The following FAP variants were observed in gnomAD, a reference collection of about 807,000 sequenced individuals.
FAP encodes the protein prolyl endopeptidase FAP.
In FAP, 110 loss-of-function variants were observed where a neutral mutation model predicts 126.5. The observed-to-expected ratio is 0.87, with a 90% CI of 0.74 to 1.02. The LOEUF is 1.02. Ranked by LOEUF, FAP falls within the 50% of genes least tolerant of loss-of-function variation. The probability of loss-of-function intolerance (pLI) is 0.00; values close to 1 mark genes in which losing one functional copy is unlikely to be tolerated. For synonymous variants in FAP, 334 were observed against 297.3 expected, an observed-to-expected ratio of 1.12 and a Z score of -1.27; for missense variants, 919 against 909.2, an observed-to-expected ratio of 1.01 and a Z score of -0.14.
intron 21 of FAP, among the ~76,000 whole-genome samples, chr2:162,179,810 A>ATTTTTTTT (rs1186933075): frequency 6.5e-5 from 7 of 107,124 alleles, no homozygotes; most frequent in African/African-American, 2.1e-4. Context: ...ATATATATAT[A>ATTTTTTTT]TATTTTTTTT....
At chr2:162,183,300 A>G in intron 21 of FAP, 114 bp downstream of exon 21, 1 of 843,362 alleles carries the variant, frequency 1.2e-6, no homozygotes, top group Non-Finnish European at 2.0e-6. Flanking sequence ...TTCCATTGAC[A>G]GATTAAATTA....
At chr2:162,202,981 G>A (rs760163734) in intron 13 of FAP, 39 bp from the exon 14 acceptor site, 10 of 1,599,236 alleles carry the variant, frequency 6.3e-6, no homozygotes, top group South Asian at 2.2e-5. Context: ...GAAACTGAGC[G>A]TTATTTGAGC....
chr2:162,191,186 G>A (rs1688028122), intron 17 of FAP, among the ~76,000 whole-genome samples: 1 of 152,070 alleles, frequency 6.6e-6, no homozygotes, highest in Non-Finnish European at 1.5e-5. Flanking sequence ...CACAAGCACT[G>A]GAAGTGGGAG....
intron 20 of FAP, among the ~76,000 whole-genome samples, chr2:162,185,262 G>A (rs1446641619): frequency 6.6e-6 from 1 of 152,116 alleles, no homozygotes; most frequent in African/African-American, 2.4e-5. Flanking sequence ...GGTAAACTTG[G>A]AATCATAGCG....
intron 21 of FAP, among the ~76,000 whole-genome samples, chr2:162,178,858 C>T (rs1284724114): frequency 6.6e-6 from 1 of 152,146 alleles, no homozygotes; most frequent in African/African-American, 2.4e-5. Flanking sequence ...GCTAAGTAAA[C>T]CTCATGGTAA....
intron 6 of FAP, among the ~76,000 whole-genome samples, chr2:162,220,857 G>C (rs1689358739): frequency 6.6e-6 from 1 of 152,108 alleles, no homozygotes; most frequent in African/African-American, 2.4e-5. Flanking sequence ...GTTTCATCGA[G>C]ACTGCCTTCG....
intron 12 of FAP, among the ~76,000 whole-genome samples, chr2:162,205,062 A>G (rs1198568792): frequency 6.6e-6 from 1 of 152,176 alleles, no homozygotes. Flanking sequence ...CCAGTGGTTT[A>G]TCTACCTTGC....
intron 12 of FAP, among the ~76,000 whole-genome samples, chr2:162,204,429 A>G (rs952298902): frequency 1.3e-5 from 2 of 152,232 alleles, no homozygotes; most frequent in African/African-American, 4.8e-5. Flanking sequence ...AGATGTAATC[A>G]AGGGAGAAAG....
intron 9 of FAP, 48 bp downstream of exon 9, chr2:162,217,938 A>C: frequency 6.8e-7 from 1 of 1,460,860 alleles, no homozygotes; most frequent in Non-Finnish European, 9.2e-7. Context: ...ATCATTGCTC[A>C]TTTTGATACC....
At chr2:162,188,740 A>T (rs942494990) in intron 19 of FAP, among the ~76,000 whole-genome samples, 4 of 152,092 alleles carry the variant, frequency 2.6e-5, no homozygotes, top group Non-Finnish European at 5.9e-5. Flanking sequence ...GTGTGATTCC[A>T]CTAAATGTAT....
chr2:162,195,681 C>G (rs530530760), intron 16 of FAP, among the ~76,000 whole-genome samples: 3 of 152,082 alleles, frequency 2.0e-5, no homozygotes, highest in Non-Finnish European at 4.4e-5. Flanking sequence ...TTCAGCTTCT[C>G]TATGCAGAAA....
At chr2:162,197,497 T>C (rs1452377392) in intron 16 of FAP, 2 of 455,238 alleles carry the variant, frequency 4.4e-6, no homozygotes, top group East Asian at 6.9e-5. Flanking sequence ...CATATGGTCA[T>C]GAACAACAAT....
At chr2:162,224,101 A>G (rs963356319) in intron 5 of FAP, among the ~76,000 whole-genome samples, 1 of 152,146 alleles carries the variant, frequency 6.6e-6, no homozygotes, top group Non-Finnish European at 1.5e-5. Context: ...TTCATTCAAC[A>G]TGTATTTTTG....
intron 10 of FAP, among the ~76,000 whole-genome samples, chr2:162,215,147 C>T (rs868665755): frequency 1.3e-5 from 2 of 152,262 alleles, no homozygotes; most frequent in Admixed American, 6.5e-5. Context: ...CTCAGCAAGG[C>T]CCAGTAGAAG....
At chr2:162,219,302 A>C (rs1229386783) in intron 7 of FAP, 119 bp from the exon 8 acceptor site, 8 of 952,928 alleles carry the variant, frequency 8.4e-6, no homozygotes, top group Non-Finnish European at 7.6e-6. Context: ...AAAGATTCAC[A>C]ACTAAAATAC....
At chr2:162,216,859 C>T (rs558810753) in intron 9 of FAP, among the ~76,000 whole-genome samples, 28 of 152,146 alleles carry the variant, frequency 1.8e-4, no homozygotes, top group Non-Finnish European at 3.4e-4. Context: ...CTCCACCTAA[C>T]GCCAGATGTT....
chr2:162,210,481 AAAG>A lies in FAP; in HGVS notation c.1003-488_1003-486del, dbSNP rs537221952. On this transcript the variant is annotated intron_variant, in intron 11 of 25. Coordinates refer to ENST00000188790, the MANE Select transcript of FAP (RefSeq NM_004460.5). Reference sequence around the variant, plus strand: ...GACTTTTCTAGACAAATAATTAGAAAAAGAAGAACATTCTAGGTAAAATAAATA... The same window carrying A: ...GACTTTTCTAGACAAATAATTAGAAAAAGAACATTCTAGGTAAAATAAATA... 9.2e-4 allele frequency among the ~76,000 whole-genome samples: 140 copies of A among 152,354 alleles called. 1 individual carries two copies. The highest frequency in any genetic ancestry group is 3.2e-3 in the African/African-American group (134 of 41,584).
intron 17 of FAP, among the ~76,000 whole-genome samples, chr2:162,190,790 G>T (rs766250376): frequency 3.9e-4 from 59 of 152,072 alleles, no homozygotes; most frequent in Admixed American, 1.2e-3. Flanking sequence ...TGAAGAGAGA[G>T]AGCTGGAGGA....
intron 2 of FAP, among the ~76,000 whole-genome samples, chr2:162,230,916 G>T (rs1376764562): frequency 6.6e-6 from 1 of 152,102 alleles, no homozygotes; most frequent in Non-Finnish European, 1.5e-5. Flanking sequence ...ACAAACTCAC[G>T]GTAGGTGGGT....
Sources: gnomAD v4.1 joint callset for allele counts (sites outside exome capture counted in the v4.1 genomes callset) on GRCh38, gnomAD v4.1.1 for gene constraint, MANE v1.5 for transcripts, NCBI Gene and HGNC (gene_info 2026-07-23, HGNC 2026-07-21) for gene names.